The following PDS5A variants were observed in gnomAD, a reference collection of about 807,000 sequenced individuals.
The protein encoded by PDS5A is PDS5 cohesin associated factor A, also known as sister chromatid cohesion protein PDS5 homolog A.
PDS5A carries 42 observed loss-of-function variants against 167.1 expected under a neutral mutation model. That is an observed-to-expected ratio of 0.25 (90% CI 0.20 to 0.33). PDS5A has a LOEUF of 0.33. PDS5A is among the 10% of genes least tolerant of loss of function. PDS5A has a pLI of 1.00. For missense variants in PDS5A, 1,033 were observed against 1,605.9 expected, an observed-to-expected ratio of 0.64 and a Z score of 6.10; for synonymous variants, 553 against 554.6, an observed-to-expected ratio of 1.00 and a Z score of 0.04.
chr4:39,917,387 A>G (rs1024817204), intron 7 of PDS5A, among the ~76,000 whole-genome samples, 199 bp from the exon 8 acceptor site: 3 of 152,190 alleles, frequency 2.0e-5, no homozygotes, highest in African/African-American at 7.2e-5. Flanking sequence ...TCCTAATAAT[A>G]TCAAATCATG....
intron 31 of PDS5A, among the ~76,000 whole-genome samples, chr4:39,839,176 A>C (rs1225733077): frequency 1.3e-5 from 2 of 152,170 alleles, no homozygotes; most frequent in Non-Finnish European, 2.9e-5. Flanking sequence ...TCTGGATTCT[A>C]AGAGTTTTGA....
At chr4:39,842,608 T>C (rs1717126778) in intron 30 of PDS5A, among the ~76,000 whole-genome samples, 1 of 152,086 alleles carries the variant, frequency 6.6e-6, no homozygotes, top group Non-Finnish European at 1.5e-5. Context: ...GAATAATATC[T>C]ATAAAAACCA....
intron 32 of PDS5A, among the ~76,000 whole-genome samples, chr4:39,833,099 G>A (rs1412461323): frequency 7.1e-6 from 1 of 140,086 alleles, no homozygotes. Flanking sequence ...GCTGAGGCAG[G>A]AGAATTGCTT....
At chr4:39,953,960 G>A (rs147580157) in intron 2 of PDS5A, among the ~76,000 whole-genome samples, 112 of 152,170 alleles carry the variant, frequency 7.4e-4, no homozygotes, top group African/African-American at 2.6e-3. Context: ...GAATGCCTTG[G>A]AATGAAGTTT....
chr4:39,918,179 T>G (rs1578739795), intron 7 of PDS5A, among the ~76,000 whole-genome samples: 1 of 89,962 alleles, frequency 1.1e-5, no homozygotes, highest in Admixed American at 1.1e-4. Flanking sequence ...CAAGACCCTG[T>G]CTCAAAAAAA....
In PDS5A at chr4:39,839,943, A is replaced by AT. The variant is rs749740951; in HGVS notation, c.3658-1736_3658-1735insA. On this transcript the variant is annotated intron_variant, in intron 31 of 32. Coordinates refer to ENST00000303538, the MANE Select transcript of PDS5A (RefSeq NM_001100399.2). ...ACCCCGTCTCTACTAAAAATACAAAAATTAGCTGGGCATGGTGGTGCGTGC... is the reference window on the plus strand; with the variant it reads ...ACCCCGTCTCTACTAAAAATACAAAATATTAGCTGGGCATGGTGGTGCGTGC... Among the ~76,000 whole-genome samples, 124 of 151,878 alleles carry AT rather than the reference A, an allele frequency of 8.2e-4. 1 individual carries two copies. Among genetic ancestry groups the AT allele is most frequent in the Non-Finnish European group, 1.4e-3 (94 of 67,944 alleles).
At chr4:39,864,733 T>A (rs1056705556) in intron 23 of PDS5A, among the ~76,000 whole-genome samples, 1 of 152,208 alleles carries the variant, frequency 6.6e-6, no homozygotes, top group African/African-American at 2.4e-5. Flanking sequence ...ATAGCTATTA[T>A]GTGAGTGCTT....
At chr4:39,881,754 C>G (rs966833488) in intron 17 of PDS5A, among the ~76,000 whole-genome samples, 12 of 152,196 alleles carry the variant, frequency 7.9e-5, no homozygotes, top group Non-Finnish European at 1.5e-4. Flanking sequence ...AAACACTTGC[C>G]TATTCTGAAC....
chr4:39,935,943 C>T (rs1446497180), intron 2 of PDS5A, among the ~76,000 whole-genome samples: 3 of 152,156 alleles, frequency 2.0e-5, no homozygotes. Flanking sequence ...TTCAGCATAT[C>T]ACAAAACTGA....
chr4:39,968,774 TTTTAC>T (rs1730228629), intron 2 of PDS5A, among the ~76,000 whole-genome samples: 1 of 150,522 alleles, frequency 6.6e-6, no homozygotes, highest in African/African-American at 2.5e-5. Flanking sequence ...CAGTGTATGC[TTTTAC>T]TTTTTTTTTT....
intron 16 of PDS5A, among the ~76,000 whole-genome samples, chr4:39,892,206 G>A (rs1230513337): frequency 1.3e-5 from 2 of 152,194 alleles, no homozygotes; most frequent in South Asian, 2.1e-4. Context: ...TTGGGAGGCC[G>A]AGGTGACGGA....
intron 2 of PDS5A, among the ~76,000 whole-genome samples, chr4:39,970,821 A>G (rs1730451803): frequency 1.5e-5 from 2 of 136,874 alleles, no homozygotes; most frequent in Non-Finnish European, 3.1e-5. Context: ...TTTTTAAGAC[A>G]AGGTCTCACT....
chr4:39,881,115 T>C (rs551788008), intron 17 of PDS5A, among the ~76,000 whole-genome samples: 3 of 152,316 alleles, frequency 2.0e-5, no homozygotes, highest in African/African-American at 7.2e-5. Context: ...GCCATTCATA[T>C]TGCTGCAAAT....
intron 2 of PDS5A, among the ~76,000 whole-genome samples, chr4:39,938,264 A>C (rs1016688514): frequency 6.6e-6 from 1 of 152,158 alleles, no homozygotes; most frequent in Non-Finnish European, 1.5e-5. Context: ...GTTAAATTTA[A>C]TGTGTCTGGG....
chr4:39,967,030 T>A (rs1320214780), intron 2 of PDS5A, among the ~76,000 whole-genome samples: 1 of 150,362 alleles, frequency 6.7e-6, no homozygotes, highest in Non-Finnish European at 1.5e-5. Flanking sequence ...TCAGGCTGGG[T>A]GTGGTGGCTC....
chr4:39,967,888 C>T (rs1008548557), intron 2 of PDS5A, among the ~76,000 whole-genome samples: 3 of 151,986 alleles, frequency 2.0e-5, no homozygotes, highest in African/African-American at 7.3e-5. Context: ...TGCACTCCAA[C>T]CTGGCAACAG....
At chr4:39,960,113 C>CA (rs1357256892) in intron 2 of PDS5A, among the ~76,000 whole-genome samples, 3 of 150,804 alleles carry the variant, frequency 2.0e-5, no homozygotes, top group Non-Finnish European at 3.0e-5. Context: ...ACAAGAAAAC[C>CA]ACAAAAAGTA....
chr4:39,867,772 A>ACCCCCCC (rs1553892690), intron 22 of PDS5A, among the ~76,000 whole-genome samples: 1 of 90,596 alleles, frequency 1.1e-5, no homozygotes, highest in South Asian at 3.9e-4. Flanking sequence ...ACACACACAC[A>ACCCCCCC]CACCCCACAA....
At chr4:39,930,255 G>GTTTTT (rs1421768439) in intron 2 of PDS5A, among the ~76,000 whole-genome samples, 14 of 80,500 alleles carry the variant, frequency 1.7e-4, no homozygotes, top group Middle Eastern at 8.2e-3. Context: ...AAGTTTTTTT[G>GTTTTT]TTTTTTGTTT....
Sources: gnomAD v4.1 joint callset for allele counts (sites outside exome capture counted in the v4.1 genomes callset) on GRCh38, gnomAD v4.1.1 for gene constraint, MANE v1.5 for transcripts, NCBI Gene and HGNC (gene_info 2026-07-23, HGNC 2026-07-21) for gene names.